CNTN6: variants seen among roughly 807,000 people sequenced by gnomAD.
CNTN6 encodes the protein contactin-6.
In CNTN6, 137 loss-of-function variants were observed where a neutral mutation model predicts 122.8. The ratio of observed to expected loss-of-function variants is 1.12; its 90% confidence interval spans 0.97 to 1.29. The LOEUF (loss-of-function observed/expected upper bound fraction) is 1.29, where lower values mean the gene tolerates loss of function less well. Among genes scored for constraint, CNTN6 ranks in the 50% most tolerant of loss-of-function variants. CNTN6 has a pLI of 0.00. For missense variants in CNTN6, 1,634 were observed against 1,223.4 expected (o/e 1.34, Z -5.01); for synonymous variants, 570 against 426.0 (o/e 1.34, Z -4.16).
intron 5 of CNTN6, among the ~76,000 whole-genome samples, chr3:1,281,460 T>A (rs1471890251): frequency 7.7e-6 from 1 of 129,092 alleles, no homozygotes; most frequent in Non-Finnish European, 1.7e-5. Flanking sequence ...GCCATAAAAG[T>A]TGACTTTTTT....
intron 4 of CNTN6, among the ~76,000 whole-genome samples, chr3:1,242,935 A>C (rs985521216): frequency 6.6e-6 from 1 of 152,156 alleles, no homozygotes; most frequent in Non-Finnish European, 1.5e-5. Context: ...GCCCTTGAAA[A>C]GAAGGTAATG....
In CNTN6 at chr3:1,402,323, G is replaced by T; in HGVS notation, c.2823G>T (p.Leu941=). The T allele has an allele frequency of 6.2e-7, 1 of 1,606,726 alleles. No individual in the cohort carries two copies. Among genetic ancestry groups the T allele is most frequent in the South Asian group, 1.1e-5 (1 of 90,516 alleles). ...TGATACCTCATTTTATTCAGATTCT[G>T]TACCGGCAAAACAGACAGAGTAAAA... ...NESEVLGYKI[L]YRQNRQSKTH... is the part of the protein sequence containing the mutation. The change falls in exon 22 of 23, where the codon CTG becomes CTT. Residue 941 remains leucine, a synonymous_variant. Transcript: ENST00000446702.
At chr3:1,136,359 A>G (rs2092472562) in intron 1 of CNTN6, among the ~76,000 whole-genome samples, 1 of 152,122 alleles carries the variant, frequency 6.6e-6, no homozygotes, top group Non-Finnish European at 1.5e-5. Flanking sequence ...AGACTTTCCC[A>G]AAGTGTGTTC....
At chr3:1,295,504 A>G in intron 5 of CNTN6, 97 bp from the exon 6 acceptor site, 1 of 975,194 alleles carries the variant, frequency 1.0e-6, no homozygotes, top group Non-Finnish European at 1.5e-6. Flanking sequence ...ATTTTCTCCT[A>G]ATTATGGGGA....
chr3:1,158,907 T>C (rs13089044), intron 2 of CNTN6, among the ~76,000 whole-genome samples: 17 of 116,292 alleles, frequency 1.5e-4, no homozygotes, highest in East Asian at 5.6e-4. Context: ...TATACACATA[T>C]ATATACACAC....
At chr3:1,197,916 C>A (rs192011332) in intron 2 of CNTN6, among the ~76,000 whole-genome samples, 3 of 152,058 alleles carry the variant, frequency 2.0e-5, no homozygotes, top group Admixed American at 1.3e-4. Context: ...CTAACTCATG[C>A]AAAGAAACAA....
chr3:1,361,797 C>T (rs1707501929), intron 12 of CNTN6, among the ~76,000 whole-genome samples: 1 of 152,174 alleles, frequency 6.6e-6, no homozygotes, highest in Admixed American at 6.5e-5. Context: ...GTGACAACAG[C>T]CAAGGTGTTT....
chr3:1,304,555 T>C (rs1359415131), intron 7 of CNTN6, among the ~76,000 whole-genome samples: 1 of 152,172 alleles, frequency 6.6e-6, no homozygotes, highest in Non-Finnish European at 1.5e-5. Context: ...TATGTAAATA[T>C]TTTACAAGAA....
chr3:1,158,969 C>CATATATATATATATATATATATATATAT (rs147254743), intron 2 of CNTN6, among the ~76,000 whole-genome samples: 1 of 112,978 alleles, frequency 8.9e-6, no homozygotes, highest in Admixed American at 8.6e-5. Flanking sequence ...CACACACACA[C>CATATATATATATATATATATATATATAT]ATATATATAT....
chr3:1,234,553 CAGA>C (rs2094397613), intron 4 of CNTN6, among the ~76,000 whole-genome samples: 1 of 152,000 alleles, frequency 6.6e-6, no homozygotes, highest in South Asian at 2.1e-4. Context: ...TAAGACCCAG[CAGA>C]AGAAGCTTTA....
intron 4 of CNTN6, among the ~76,000 whole-genome samples, chr3:1,268,599 T>C (rs1202609768): frequency 1.2e-3 from 124 of 103,730 alleles, no homozygotes; most frequent in African/African-American, 6.1e-3. Context: ...AGAGCGAGAC[T>C]CCGTCTCAAA....
At chr3:1,309,738 C>T (rs1698940904) in intron 7 of CNTN6, among the ~76,000 whole-genome samples, 2 of 152,166 alleles carry the variant, frequency 1.3e-5, no homozygotes, top group Non-Finnish European at 2.9e-5. Context: ...GACACACTGA[C>T]AGTGTTGAGT....
chr3:1,228,002 G>A lies in CNTN6; in HGVS notation c.358+9G>A. 1 of 1,608,908 alleles carries A rather than the reference G, an allele frequency of 6.2e-7. No homozygotes were observed. Among genetic ancestry groups the A allele is most frequent in the Non-Finnish European group, 8.5e-7 (1 of 1,177,258 alleles). On this transcript the variant is annotated intron_variant, in intron 4 of 22. Coordinates refer to ENST00000446702, the MANE Select transcript of CNTN6 (RefSeq NM_001289080.2). ...AAAGCTCCAATTTGCATGTGAGTTT[G>A]GGGTAAATTTTGTAATCTTTGTCTC... is the stretch of plus-strand genomic sequence containing the variant.
chr3:1,367,170 A>G (rs575113811), intron 12 of CNTN6, among the ~76,000 whole-genome samples: 60 of 152,210 alleles, frequency 3.9e-4, no homozygotes, highest in African/African-American at 1.4e-3. Context: ...TTGTGATGAG[A>G]ATTAAAATCC....
At chr3:1,142,931 GTACAT>G (rs1291484290) in intron 1 of CNTN6, among the ~76,000 whole-genome samples, 1 of 139,074 alleles carries the variant, frequency 7.2e-6, no homozygotes, top group Non-Finnish European at 1.5e-5. Context: ...AGACAGATAT[GTACAT>G]TAAAGATACA....
intron 4 of CNTN6, among the ~76,000 whole-genome samples, chr3:1,261,700 G>A (rs547611591): frequency 1.8e-4 from 28 of 152,238 alleles, no homozygotes; most frequent in African/African-American, 6.5e-4. Flanking sequence ...GGGATATGGG[G>A]CACCTACAGT....
At chr3:1,336,071 C>T (rs757822055) in intron 11 of CNTN6, among the ~76,000 whole-genome samples, 2 of 151,356 alleles carry the variant, frequency 1.3e-5, no homozygotes, top group Admixed American at 1.3e-4. Context: ...CAAACAACAA[C>T]AACAAAAAAA....
intron 1 of CNTN6, among the ~76,000 whole-genome samples, chr3:1,094,193 T>A (rs1297906661): frequency 6.6e-6 from 1 of 152,226 alleles, no homozygotes; most frequent in East Asian, 1.9e-4. Flanking sequence ...TCTTTTTATT[T>A]TTGTTGTTGA....
At chr3:1,323,309 A>C (rs548009961) in intron 8 of CNTN6, among the ~76,000 whole-genome samples, 41 of 151,788 alleles carry the variant, frequency 2.7e-4, no homozygotes, top group Non-Finnish European at 4.9e-4. Context: ...CAAGATCAGA[A>C]CCTTGAAATG....
Sources: gnomAD v4.1 joint callset for allele counts (sites outside exome capture counted in the v4.1 genomes callset) on GRCh38, gnomAD v4.1.1 for gene constraint, MANE v1.5 for transcripts, NCBI Gene and HGNC (gene_info 2026-07-23, HGNC 2026-07-21) for gene names.